NXPE2: variants seen among roughly 807,000 people sequenced by gnomAD.
NXPE2 encodes NXPE family member 2.
Under a neutral mutation model 34.4 loss-of-function variants are expected in NXPE2, and 34 were observed. The observed-to-expected ratio is 0.99, with a 90% CI of 0.75 to 1.31. The LOEUF (loss-of-function observed/expected upper bound fraction) is 1.31, where lower values mean the gene tolerates loss of function less well. Ranked by LOEUF, NXPE2 falls within the 40% of genes most tolerant of loss-of-function variation. The pLI is 0.00. For synonymous variants in NXPE2, 235 were observed against 231.3 expected (o/e 1.02, Z -0.15); for missense variants, 649 against 672.5 (o/e 0.97, Z 0.39).
chr11:114,784,299 T>C, the NXPE2 span, among the ~76,000 whole-genome samples: 1 of 152,204 alleles, frequency 6.6e-6, no homozygotes, highest in African/African-American at 2.4e-5. Context: ...CCAAATAACA[T>C]AAAGACTTTG....
At chr11:114,656,859 G>A in the NXPE2 span, among the ~76,000 whole-genome samples, 5 of 152,068 alleles carry the variant, frequency 3.3e-5, no homozygotes, top group African/African-American at 4.8e-5. Flanking sequence ...TTGGGAGGCC[G>A]AGATGGGCAG....
chr11:114,812,968 TG>T, the NXPE2 span, among the ~76,000 whole-genome samples: 1 of 152,192 alleles, frequency 6.6e-6, no homozygotes, highest in African/African-American at 2.4e-5. Flanking sequence ...CCTGGGCTTA[TG>T]GCTGCACCCT....
At chr11:114,549,894 A>G in the NXPE2 span, among the ~76,000 whole-genome samples, 2,910 of 152,112 alleles carry the variant, frequency 0.019, 96 homozygotes, top group African/African-American at 0.067. Flanking sequence ...AGGAAATAAT[A>G]TATAAAAAAA....
At chr11:114,637,207 C>T in the NXPE2 span, among the ~76,000 whole-genome samples, 1 of 152,056 alleles carries the variant, frequency 6.6e-6, no homozygotes, top group East Asian at 1.9e-4. Flanking sequence ...GATCCCTTTA[C>T]CATTAAGTAA....
At chr11:114,777,179 C>T in the NXPE2 span, among the ~76,000 whole-genome samples, 6 of 152,066 alleles carry the variant, frequency 3.9e-5, no homozygotes, top group African/African-American at 1.2e-4. Context: ...GACAGGAAAT[C>T]GTGAGATCTA....
chr11:114,470,438 A>G, the NXPE2 span, among the ~76,000 whole-genome samples: 4 of 152,192 alleles, frequency 2.6e-5, no homozygotes, highest in East Asian at 7.7e-4. Flanking sequence ...GCATTTCCCT[A>G]ATGCAAATGA....
the NXPE2 span, among the ~76,000 whole-genome samples, chr11:114,532,043 A>C: frequency 6.6e-6 from 1 of 152,336 alleles, no homozygotes; most frequent in Non-Finnish European, 1.5e-5. Context: ...GATAGATTTG[A>C]GAATGATTAC....
the NXPE2 span, among the ~76,000 whole-genome samples, chr11:114,776,253 G>T: frequency 6.6e-6 from 1 of 152,232 alleles, no homozygotes; most frequent in Non-Finnish European, 1.5e-5. Context: ...CGAGGAGCAA[G>T]GTCCCAGGCA....
chr11:114,623,158 G>A, the NXPE2 span, among the ~76,000 whole-genome samples: 16 of 151,968 alleles, frequency 1.1e-4, no homozygotes, highest in African/African-American at 3.6e-4. Flanking sequence ...GGTAACCAGT[G>A]TTAACCGGTG....
At chr11:114,520,189 C>T in the NXPE2 span, among the ~76,000 whole-genome samples, 1 of 152,138 alleles carries the variant, frequency 6.6e-6, no homozygotes, top group Non-Finnish European at 1.5e-5. Context: ...AGTTCTCATG[C>T]TGTACATTAG....
At chr11:114,557,872 T>C in the NXPE2 span, among the ~76,000 whole-genome samples, 7 of 152,034 alleles carry the variant, frequency 4.6e-5, no homozygotes, top group South Asian at 1.5e-3. Flanking sequence ...GGGTTTCTTT[T>C]GCGGGCTATA....
the NXPE2 span, among the ~76,000 whole-genome samples, chr11:114,486,404 T>G: frequency 6.6e-6 from 1 of 152,346 alleles, no homozygotes; most frequent in South Asian, 2.1e-4. Context: ...TATTAATGCC[T>G]TGTCAGGTGA....
the NXPE2 span, among the ~76,000 whole-genome samples, chr11:114,579,420 A>T: frequency 6.6e-6 from 1 of 152,204 alleles, no homozygotes; most frequent in Non-Finnish European, 1.5e-5. Flanking sequence ...GATTGGTGAG[A>T]AACACCAGGC....
chr11:114,575,329 A>G, the NXPE2 span, among the ~76,000 whole-genome samples: 1 of 152,132 alleles, frequency 6.6e-6, no homozygotes, highest in Admixed American at 6.6e-5. Context: ...ATAGTACTGG[A>G]AGTCCTAGCT....
At chr11:114,760,663 G>A in the NXPE2 span, among the ~76,000 whole-genome samples, 1 of 152,096 alleles carries the variant, frequency 6.6e-6, no homozygotes. Context: ...AGGATTCTTG[G>A]CACCAGCACC....
At chr11:114,665,300 T>A in the NXPE2 span, among the ~76,000 whole-genome samples, 2 of 152,166 alleles carry the variant, frequency 1.3e-5, no homozygotes, top group African/African-American at 4.8e-5. Context: ...TCCCCCACAA[T>A]CTCTCTAATT....
At chr11:114,690,389 C>T (rs1338009518) in intron 2 of NXPE2, among the ~76,000 whole-genome samples, 1 of 152,124 alleles carries the variant, frequency 6.6e-6, no homozygotes, top group Non-Finnish European at 1.5e-5. Context: ...TCTTGGCTAG[C>T]ATTTCTTTTC....
At chr11:114,725,994 A>ATATATATAT in the NXPE2 span, among the ~76,000 whole-genome samples, 120 of 87,624 alleles carry the variant, frequency 1.4e-3, 3 homozygotes, top group Admixed American at 8.2e-3. Context: ...TATATATATA[A>ATATATATAT]AAAGAAAAAG....
chr11:114,706,347 A>G, intron 5 of NXPE2, 48 bp from the exon 6 acceptor site: 1 of 1,420,346 alleles, frequency 7.0e-7, no homozygotes, highest in Non-Finnish European at 9.4e-7. Context: ...GTTTAAAGTT[A>G]TATCATTTTC....
Sources: allele counts gnomAD v4.1 joint callset (sites outside exome capture counted in the v4.1 genomes callset), GRCh38; gene constraint gnomAD v4.1.1; transcripts MANE v1.5; gene names NCBI Gene and HGNC (gene_info 2026-07-23, HGNC 2026-07-21).